Variants in ELAPOR2 observed in about 807,000 individuals in gnomAD.
The protein encoded by ELAPOR2 is endosome/lysosome-associated apoptosis and autophagy regulator family member 2.
Under a neutral mutation model 120.7 loss-of-function variants are expected in ELAPOR2, and 89 were observed. That is an observed-to-expected ratio of 0.74 (90% CI 0.62 to 0.88). The LOEUF (loss-of-function observed/expected upper bound fraction) is 0.88, where lower values mean the gene tolerates loss of function less well. Ranked by LOEUF, ELAPOR2 falls within the 40% of genes least tolerant of loss-of-function variation. The pLI, the probability that ELAPOR2 is intolerant of heterozygous loss-of-function variation, is 0.00. For synonymous variants in ELAPOR2, 444 were observed against 444.9 expected, an observed-to-expected ratio of 1.00 and a Z score of 0.03; for missense variants, 1,134 against 1,251.6, an observed-to-expected ratio of 0.91 and a Z score of 1.42.
intron 2 of ELAPOR2, among the ~76,000 whole-genome samples, chr7:86,960,473 G>A (rs61699848): frequency 0.084 from 12,696 of 152,014 alleles, 652 homozygotes; most frequent in African/African-American, 0.13. Flanking sequence ...GGCTGGTCTC[G>A]AACTCCTGAC....
Position 87,012,760 on chromosome 7 carries a change from T to C in ELAPOR2, c.189+46565A>G, listed in dbSNP as rs148575424. ...AACATTCCAACTTGAATGAACAAAG[T>C]ATAACAAAAGTCATATCTTCCATGG... On this transcript the variant is annotated intron_variant, in intron 1 of 21. Transcript: ENST00000450689. Among the ~76,000 whole-genome samples, 411 of 152,306 alleles carry C rather than the reference T, an allele frequency of 2.7e-3. 2 individuals carry two copies. Among genetic ancestry groups the C allele is most frequent in the African/African-American group, 9.5e-3 (396 of 41,572 alleles).
chr7:86,944,971 C>T lies in ELAPOR2; in HGVS notation c.582G>A (p.Val194=). The change falls in exon 4 of 22, where the codon GTG becomes GTA. Residue 194 remains valine, a synonymous_variant. Coordinates refer to ENST00000450689, the MANE Select transcript of ELAPOR2 (RefSeq NM_001142749.3). ...AGACATAGCCTGACTTCTTAAGGTGCACAGCATAGATCAAAGACACCGTGC... is the reference window on the plus strand; with the variant it reads ...AGACATAGCCTGACTTCTTAAGGTGTACAGCATAGATCAAAGACACCGTGC... ...DDCTVSLIYA[V]HLKKSGYVFF... 1 of 1,550,752 alleles carries T rather than the reference C, an allele frequency of 6.4e-7. No individual in the cohort carries two copies. Among genetic ancestry groups the T allele is most frequent in the Non-Finnish European group, 8.7e-7 (1 of 1,146,422 alleles).
At chr7:86,987,819 C>T (rs553309904) in intron 1 of ELAPOR2, among the ~76,000 whole-genome samples, 1 of 152,120 alleles carries the variant, frequency 6.6e-6, no homozygotes, top group African/African-American at 2.4e-5. Flanking sequence ...GGTAGAAATA[C>T]CATTTGACCC....
intron 1 of ELAPOR2, among the ~76,000 whole-genome samples, chr7:87,023,391 T>C (rs1165350935): frequency 1.3e-5 from 2 of 152,198 alleles, no homozygotes; most frequent in African/African-American, 2.4e-5. Context: ...GCGGCATTAT[T>C]TCTGAGGGCT....
chr7:86,890,190 T>C (rs1466545319), intron 21 of ELAPOR2, among the ~76,000 whole-genome samples: 1 of 151,980 alleles, frequency 6.6e-6, no homozygotes, highest in African/African-American at 2.4e-5. Flanking sequence ...CTCTTTCATT[T>C]CTGTACATCT....
intron 1 of ELAPOR2, among the ~76,000 whole-genome samples, chr7:87,001,169 C>G (rs964520409): frequency 6.6e-6 from 1 of 152,072 alleles, no homozygotes; most frequent in East Asian, 1.9e-4. Context: ...AGGAGGGAGA[C>G]AAGCAAATAG....
chr7:86,968,010 G>A (rs1293229107), intron 1 of ELAPOR2, among the ~76,000 whole-genome samples: 2 of 151,872 alleles, frequency 1.3e-5, no homozygotes, highest in Non-Finnish European at 2.9e-5. Flanking sequence ...CATTTGGGCT[G>A]GTAACAAATA....
intron 1 of ELAPOR2, among the ~76,000 whole-genome samples, chr7:86,975,904 G>A (rs531002907): frequency 6.6e-6 from 1 of 152,150 alleles, no homozygotes; most frequent in Non-Finnish European, 1.5e-5. Context: ...CCAAATCAGG[G>A]AATTGCACAG....
At chr7:86,994,284 G>T (rs1793050953) in intron 1 of ELAPOR2, among the ~76,000 whole-genome samples, 1 of 152,138 alleles carries the variant, frequency 6.6e-6, no homozygotes, top group Non-Finnish European at 1.5e-5. Flanking sequence ...CAAACACACA[G>T]AGTTGACAAA....
intron 8 of ELAPOR2, among the ~76,000 whole-genome samples, chr7:86,935,186 A>C (rs190214360): frequency 6.6e-6 from 1 of 152,208 alleles, no homozygotes; most frequent in Non-Finnish European, 1.5e-5. Context: ...TCTTAGGACA[A>C]AGGCCAAAAT....
At chr7:86,967,381 G>A (rs1791948201) in intron 1 of ELAPOR2, among the ~76,000 whole-genome samples, 1 of 152,090 alleles carries the variant, frequency 6.6e-6, no homozygotes. Context: ...CTTGAATGCT[G>A]GAGGCAGAGG....
chr7:86,980,570 T>C (rs1792432559), intron 1 of ELAPOR2, among the ~76,000 whole-genome samples: 1 of 152,138 alleles, frequency 6.6e-6, no homozygotes, highest in Admixed American at 6.5e-5. Context: ...CCTTGCATTC[T>C]ACGTTGACAA....
intron 1 of ELAPOR2, among the ~76,000 whole-genome samples, chr7:86,975,416 T>C (rs1792250470): frequency 6.6e-6 from 1 of 152,226 alleles, no homozygotes; most frequent in Admixed American, 6.5e-5. Flanking sequence ...TGTAAGAATC[T>C]CTTAAATCAA....
chr7:86,925,304 G>A (rs891398753), intron 10 of ELAPOR2, among the ~76,000 whole-genome samples: 1 of 151,742 alleles, frequency 6.6e-6, no homozygotes, highest in African/African-American at 2.4e-5. Context: ...CTTCAATACT[G>A]CCTAAAAAAA....
At chr7:86,927,852 A>G (rs1315606575) in intron 8 of ELAPOR2, among the ~76,000 whole-genome samples, 2 of 152,050 alleles carry the variant, frequency 1.3e-5, no homozygotes, top group Non-Finnish European at 2.9e-5. Flanking sequence ...CTTTTCTTAA[A>G]CATATAATCT....
At chr7:86,958,413 G>C (rs1371836130) in intron 2 of ELAPOR2, among the ~76,000 whole-genome samples, 1 of 152,128 alleles carries the variant, frequency 6.6e-6, no homozygotes, top group Non-Finnish European at 1.5e-5. Flanking sequence ...CATTATTACT[G>C]TTGCTATATT....
In ELAPOR2 at chr7:86,925,556, A is replaced by C; in HGVS notation, c.1371T>G (p.Val457=). Residue 457 remains valine, a synonymous_variant, in exon 10 of 22, where the codon GTT becomes GTG. Coordinates refer to ENST00000450689, the MANE Select transcript of ELAPOR2 (RefSeq NM_001142749.3). The part of the protein sequence containing the change: ...PGNMKTSCFN[V]GNSKCDGMNG... Reference sequence around the variant, plus strand: ...TCATTCCATCGCACTTTGAATTCCCAACATTGAAGCAGGAAGTTTTCATGT... The same window carrying C: ...TCATTCCATCGCACTTTGAATTCCCCACATTGAAGCAGGAAGTTTTCATGT... 1.2e-6 allele frequency: 2 copies of C among 1,612,014 alleles called. No individual in the cohort carries two copies. The highest frequency in any genetic ancestry group is 1.7e-6 in the Non-Finnish European group (2 of 1,178,598).
At chr7:87,046,156 CA>C (rs1463816242) in intron 1 of ELAPOR2, among the ~76,000 whole-genome samples, 1 of 152,032 alleles carries the variant, frequency 6.6e-6, no homozygotes, top group African/African-American at 2.4e-5. Flanking sequence ...TTCTATATGT[CA>C]ACAGTGAACA....
intron 1 of ELAPOR2, among the ~76,000 whole-genome samples, chr7:87,000,226 T>G (rs1635007): frequency 0.4 from 61,331 of 151,692 alleles, 13,898 homozygotes; most frequent in African/African-American, 0.62. Context: ...GTATGCAAAT[T>G]AAGCCATAAG....
Sources: allele counts gnomAD v4.1 joint callset (sites outside exome capture counted in the v4.1 genomes callset), GRCh38; gene constraint gnomAD v4.1.1; transcripts MANE v1.5; gene names NCBI Gene and HGNC (gene_info 2026-07-23, HGNC 2026-07-21).